Variants in ASH1L observed in about 807,000 individuals in gnomAD.
ASH1L encodes ASH1 like histone lysine methyltransferase, also known as histone-lysine N-methyltransferase ASH1L.
ASH1L carries 23 observed loss-of-function variants against 269.0 expected under a neutral mutation model. The observed-to-expected ratio is 0.09, with a 90% CI of 0.06 to 0.12. ASH1L has a LOEUF of 0.12. ASH1L is among the 10% of genes least tolerant of loss of function. ASH1L has a pLI of 1.00. For missense variants in ASH1L, 2,912 were observed against 3,567.8 expected (o/e 0.82, Z 4.68); for synonymous variants, 1,187 against 1,253.5 (o/e 0.95, Z 1.12).
At chr1:155,560,488 A>G (rs1671886210) in intron 1 of ASH1L, among the ~76,000 whole-genome samples, 1 of 152,340 alleles carries the variant, frequency 6.6e-6, no homozygotes, top group South Asian at 2.1e-4. Context: ...CCACAGGCAC[A>G]TGTATTAACA....
chr1:155,436,515 GAGA>G (rs1360757581), intron 5 of ASH1L, among the ~76,000 whole-genome samples: 1 of 20,240 alleles, frequency 4.9e-5, no homozygotes, highest in Admixed American at 5.6e-4. Context: ...TTTTTTTTTT[GAGA>G]AGGAGTCTCG....
intron 4 of ASH1L, among the ~76,000 whole-genome samples, chr1:155,440,947 G>A (rs1662509503): frequency 1.3e-5 from 2 of 152,228 alleles, no homozygotes; most frequent in East Asian, 1.9e-4. Context: ...GTGGCAGGAC[G>A]TTGGTTATCT....
At chr1:155,403,560 A>T (rs1659029685) in intron 6 of ASH1L, among the ~76,000 whole-genome samples, 1 of 152,110 alleles carries the variant, frequency 6.6e-6, no homozygotes. Flanking sequence ...AATTTATAAG[A>T]TAACATATAT....
At position 155,480,278 on chromosome 1, in the gene ASH1L, T is replaced by C. The variant is rs1570939434; in HGVS notation, c.2592A>G (p.Glu864=). ...CAATTTCTGGCTGTAAAATTGGGGG[T>C]TCTTGTTCTTCCTTAGACTGTAAAG... ...VFSLQSKEEQ[E]PPILQPEIEI... Residue 864 remains glutamate, a synonymous_variant, in exon 3 of 28, where the codon GAA becomes GAG. Transcript: ENST00000392403. The C allele has an allele frequency of 6.2e-7, 1 of 1,614,148 alleles. No homozygotes were observed. The highest frequency in any genetic ancestry group is 8.5e-7 in the Non-Finnish European group (1 of 1,179,992).
Position 155,378,344 on chromosome 1 carries a change from G to A in ASH1L, c.6269C>T (p.Thr2090Ile). 6.2e-7 allele frequency: 1 copy of A among 1,614,170 alleles called. No individual in the cohort carries two copies. The highest frequency in any genetic ancestry group is 8.5e-7 in the Non-Finnish European group (1 of 1,180,018). ...VKPLSGYEAT[T>I]CNCKKPDDDT... ...ATCATCTGGCTTCTTACAGTTACAG[G>A]TGGTAGCTTCGTAACCAGAAAGGGG... Residue 2090 changes from threonine (T) to isoleucine (I), a missense_variant, in exon 10 of 28, where the codon ACC becomes ATC. Physicochemically the swap from Thr to Ile is moderately conservative, Grantham distance 89. This residue lies in a region of ASH1L where 193 missense variants were observed against 311.6 expected (regional missense o/e 0.62). Coordinates refer to ENST00000392403, the MANE Select transcript of ASH1L (RefSeq NM_018489.3).
At chr1:155,349,246 G>C in intron 19 of ASH1L, 81 bp downstream of exon 19, 1 of 1,482,624 alleles carries the variant, frequency 6.7e-7, no homozygotes, top group Non-Finnish European at 9.1e-7. Flanking sequence ...GGCTGATAGA[G>C]GAGGGTAAAA....
At chr1:155,408,127 A>G (rs1371399026) in intron 6 of ASH1L, among the ~76,000 whole-genome samples, 1 of 152,214 alleles carries the variant, frequency 6.6e-6, no homozygotes, top group East Asian at 1.9e-4. Flanking sequence ...CTGCAAAGAA[A>G]TGAGTTTTAC....
At chr1:155,395,927 C>T (rs1342156425) in intron 6 of ASH1L, 1 of 161,174 alleles carries the variant, frequency 6.2e-6, no homozygotes, top group Non-Finnish European at 1.3e-5. Flanking sequence ...ATTATAATGA[C>T]TGCCTTATAT....
chr1:155,400,991 T>C (rs1351430903), intron 6 of ASH1L, among the ~76,000 whole-genome samples: 2 of 151,528 alleles, frequency 1.3e-5, no homozygotes, highest in Admixed American at 6.6e-5. Context: ...TGAAACCCCA[T>C]CTTTACTAAA....
At chr1:155,415,047 A>G (rs1660093245) in intron 6 of ASH1L, among the ~76,000 whole-genome samples, 1 of 152,156 alleles carries the variant, frequency 6.6e-6, no homozygotes, top group Admixed American at 6.6e-5. Flanking sequence ...CACCAATATC[A>G]TTTTAGTTAC....
chr1:155,487,360 G>A (rs1378176884), intron 2 of ASH1L, among the ~76,000 whole-genome samples: 1 of 151,972 alleles, frequency 6.6e-6, no homozygotes, highest in Non-Finnish European at 1.5e-5. Flanking sequence ...TTCTTACTGG[G>A]TGCTAGCAAT....
At chr1:155,382,715 GT>G (rs1316573878) in intron 7 of ASH1L, among the ~76,000 whole-genome samples, 1 of 151,702 alleles carries the variant, frequency 6.6e-6, no homozygotes, top group Non-Finnish European at 1.5e-5. Context: ...GCTAATGTGG[GT>G]TTGTGTCTTA....
chr1:155,398,866 G>T (rs1315654244), intron 6 of ASH1L, among the ~76,000 whole-genome samples: 1 of 152,018 alleles, frequency 6.6e-6, no homozygotes, highest in African/African-American at 2.4e-5. Flanking sequence ...AACTACAGGT[G>T]CATGCTACCA....
chr1:155,387,265 C>T (rs1461567481), intron 7 of ASH1L, among the ~76,000 whole-genome samples: 2 of 152,164 alleles, frequency 1.3e-5, no homozygotes, highest in African/African-American at 2.4e-5. Context: ...TGAGCCACCA[C>T]GCCTGGCCTA....
At chr1:155,385,055 T>C (rs1657310538) in intron 7 of ASH1L, among the ~76,000 whole-genome samples, 1 of 94,526 alleles carries the variant, frequency 1.1e-5, no homozygotes, top group Admixed American at 1.5e-4. Context: ...GTTAAGTCTA[T>C]CTCTGAATGT....
intron 1 of ASH1L, among the ~76,000 whole-genome samples, chr1:155,525,389 C>T (rs560010980): frequency 3.3e-5 from 5 of 152,068 alleles, no homozygotes; most frequent in East Asian, 3.9e-4. Context: ...AAACTTGACA[C>T]GGACCCATTT....
rs1672125153 is a variant in ASH1L, at chr1:155,562,791, A to G, written c.-738T>C. On this transcript the variant is annotated 5_prime_UTR_variant, in exon 1 of 28. Transcript: ENST00000392403. ...CCCTCACGCGTACCTTCAACGGCGC[A>G]AGCCCAAGCCTCCTCCTCCTCCTCC... is the stretch of plus-strand genomic sequence containing the variant. 1.5e-6 allele frequency: 1 copy of G among 674,750 alleles called. No individual in the cohort carries two copies. The allele number at this position is 674,750 out of a possible 1,614,324, so 41.8% of individuals were successfully genotyped here.
intron 2 of ASH1L, among the ~76,000 whole-genome samples, chr1:155,494,130 T>G (rs1184494506): frequency 1.3e-5 from 2 of 152,134 alleles, no homozygotes; most frequent in African/African-American, 4.8e-5. Flanking sequence ...TAAAACGGGC[T>G]GTCGGAAAGT....
intron 1 of ASH1L, among the ~76,000 whole-genome samples, chr1:155,525,990 A>T (rs574345432): frequency 2.6e-5 from 4 of 152,230 alleles, no homozygotes; most frequent in South Asian, 4.2e-4. Context: ...GTACTTTAAA[A>T]TTTTGTATAA....
Sources: gnomAD v4.1 joint callset for allele counts (sites outside exome capture counted in the v4.1 genomes callset) on GRCh38, gnomAD v4.1.1 for gene constraint, gnomAD v4.1.1 regional missense constraint, MANE v1.5 for transcripts, NCBI Gene and HGNC (gene_info 2026-07-23, HGNC 2026-07-21) for gene names.